BCORL1: variants seen among roughly 807,000 people sequenced by gnomAD.
BCORL1 encodes the protein BCL-6 corepressor-like protein 1.
BCORL1 carries 7 observed loss-of-function variants against 87.6 expected under a neutral mutation model. That is an observed-to-expected ratio of 0.08 (90% CI 0.05 to 0.15). The LOEUF (loss-of-function observed/expected upper bound fraction) is 0.15. Ranked by LOEUF, BCORL1 falls within the 10% of genes least tolerant of loss-of-function variation. The pLI, the probability that BCORL1 is intolerant of heterozygous loss-of-function variation, is 1.00. For missense variants in BCORL1, 1,215 were observed against 1,499.7 expected (o/e 0.81, Z 3.13); for synonymous variants, 591 against 634.4 (o/e 0.93, Z 1.03).
chrX:130,035,051 G>A lies in BCORL1; in HGVS notation c.4527+375G>A, dbSNP rs111801908. 8.0e-3 allele frequency among the ~76,000 whole-genome samples: 887 copies of A among 111,010 alleles called. 4 individuals are homozygous for A. The highest frequency in any genetic ancestry group is 0.023 in the Middle Eastern group (5 of 216). On this transcript the variant is annotated intron_variant, in intron 9 of 13. Transcript: ENST00000540052. ...CAGCTTCCCCTCATTTTCGCCTCTC[G>A]CAGAGGGGCCAGGATCATGTTTGAG... is the stretch of plus-strand genomic sequence containing the variant.
In BCORL1 at chrX:130,005,323, G is replaced by A; in HGVS notation, c.86+6G>A. On this transcript the variant is annotated splice_donor_region_variant and intron_variant, in intron 2 of 13. Transcript: ENST00000540052. ...TGTGGCATCAACGAGGAGAGGTGAGGAGGCCAGGAAGGTGGCCGCTGCTGG... is the reference window on the plus strand; with the variant it reads ...TGTGGCATCAACGAGGAGAGGTGAGAAGGCCAGGAAGGTGGCCGCTGCTGG... 1 of 1,209,598 alleles carries A rather than the reference G, an allele frequency of 8.3e-7. No individual in the cohort carries two copies. The highest frequency in any genetic ancestry group is 1.8e-5 in the South Asian group (1 of 56,928).
rs72614134 is a variant in BCORL1, at chrX:130,048,487, G to A, written c.4841-2230G>A. On this transcript the variant is annotated intron_variant, in intron 11 of 13. Coordinates refer to ENST00000540052, the MANE Select transcript of BCORL1 (RefSeq NM_001379451.1). ...CTTAGATGGTACAGTTGGATTTGTC[G>A]TGAAAGCCAATGGACCTACTTTTTG... Among the ~76,000 whole-genome samples, 120 of 111,872 alleles carry A rather than the reference G, an allele frequency of 1.1e-3. 1 individual carries two copies. In the East Asian group the frequency reaches 0.028, roughly 26 times the overall value.
At chrX:130,024,344 C>T (rs773179869) in intron 6 of BCORL1, among the ~76,000 whole-genome samples, 4 of 110,895 alleles carry the variant, frequency 3.6e-5, no homozygotes, top group East Asian at 5.7e-4. Flanking sequence ...GAGGTGGGGT[C>T]AATTTAAGGG....
At chrX:130,030,146 G>A (rs1437589550) in intron 8 of BCORL1, among the ~76,000 whole-genome samples, 1 of 112,200 alleles carries the variant, frequency 8.9e-6, no homozygotes. Context: ...TCACAAGGGT[G>A]CTTGGGGGAA....
At chrX:129,990,144 T>C (rs1350259861) in intron 1 of BCORL1, among the ~76,000 whole-genome samples, 1 of 111,850 alleles carries the variant, frequency 8.9e-6, no homozygotes, top group African/African-American at 3.2e-5. Context: ...ATAATACCAA[T>C]TTCACAGGGC....
At chrX:130,009,638 A>G (rs1260353313) in intron 2 of BCORL1, among the ~76,000 whole-genome samples, 1 of 110,018 alleles carries the variant, frequency 9.1e-6, no homozygotes, top group Non-Finnish European at 1.9e-5. Context: ...GCCCAGCAGG[A>G]ACTGAAGAGG....
chrX:129,988,602 T>C (rs1926814226), intron 1 of BCORL1, among the ~76,000 whole-genome samples: 1 of 111,994 alleles, frequency 8.9e-6, no homozygotes, highest in Non-Finnish European at 1.9e-5. Flanking sequence ...CTCATCACAG[T>C]ATGTGAGGCA....
intron 1 of BCORL1, among the ~76,000 whole-genome samples, chrX:129,998,647 C>T (rs930295409): frequency 1.8e-5 from 2 of 111,839 alleles, no homozygotes; most frequent in African/African-American, 6.5e-5. Flanking sequence ...TGACATTGAC[C>T]GTCCTGACTC....
intron 6 of BCORL1, among the ~76,000 whole-genome samples, chrX:130,024,633 G>C (rs1930103597): frequency 9.0e-6 from 1 of 111,451 alleles, no homozygotes; most frequent in Non-Finnish European, 1.9e-5. Flanking sequence ...CTTTATAAGA[G>C]CTAAGCAAGA....
chrX:129,986,159 C>G (rs1247918773), intron 1 of BCORL1, among the ~76,000 whole-genome samples: 1 of 112,166 alleles, frequency 8.9e-6, no homozygotes, highest in Non-Finnish European at 1.9e-5. Context: ...GGTTTCACCT[C>G]TCCCTTGTCT....
chrX:130,029,253 G>A (rs1251572454), intron 8 of BCORL1, among the ~76,000 whole-genome samples: 1 of 111,414 alleles, frequency 9.0e-6, no homozygotes, highest in African/African-American at 3.3e-5. Flanking sequence ...GGATTTTAAG[G>A]TCCAGACAAA....
chrX:130,024,879 G>C, intron 6 of BCORL1, 111 bp from the exon 7 acceptor site: 5 of 1,047,950 alleles, frequency 4.8e-6, no homozygotes, highest in Non-Finnish European at 6.4e-6. Flanking sequence ...AACTGGCAGA[G>C]CCTGAACTTG....
chrX:130,031,106 T>G (rs894915854), intron 8 of BCORL1, among the ~76,000 whole-genome samples: 2 of 113,048 alleles, frequency 1.8e-5, no homozygotes, highest in Non-Finnish European at 3.8e-5. Flanking sequence ...CCAGGCAACT[T>G]GCCTCGCTGC....
chrX:130,027,057 C>T (rs1930288289), intron 7 of BCORL1, among the ~76,000 whole-genome samples: 1 of 113,351 alleles, frequency 8.8e-6, no homozygotes, highest in South Asian at 3.5e-4. Flanking sequence ...CCTGCCACCT[C>T]CGCTCTCTAG....
In BCORL1 at chrX:130,039,236, A is replaced by C; in HGVS notation, c.4794A>C (p.Thr1598=). ...DPTLATYSGQ[T]AMKLASSDTM... ...CACTGGCTACCTACTCGGGTCAGACAGCCATGAAGCTGGCCAGCAGCGACA... is the reference window on the plus strand; with the variant it reads ...CACTGGCTACCTACTCGGGTCAGACCGCCATGAAGCTGGCCAGCAGCGACA... Residue 1598 remains threonine, a synonymous_variant, in exon 11 of 14, where the codon ACA becomes ACC. Coordinates refer to ENST00000540052, the MANE Select transcript of BCORL1 (RefSeq NM_001379451.1). The C allele has an allele frequency of 8.3e-7, 1 of 1,211,140 alleles. No homozygotes were observed. Among genetic ancestry groups the C allele is most frequent in the Non-Finnish European group, 1.1e-6 (1 of 895,435 alleles).
chrX:129,980,691 G>T (rs1359085055), upstream of BCORL1, among the ~76,000 whole-genome samples: 1 of 110,445 alleles, frequency 9.1e-6, no homozygotes, highest in African/African-American at 3.3e-5. Context: ...CTCCGGTGGC[G>T]TGGGCGCGGG....
chrX:130,042,372 A>G (rs187252463), intron 11 of BCORL1, among the ~76,000 whole-genome samples: 1 of 112,104 alleles, frequency 8.9e-6, no homozygotes, highest in Admixed American at 9.5e-5. Flanking sequence ...TGGAATTACA[A>G]GTGTGAGCCA....
intron 2 of BCORL1, among the ~76,000 whole-genome samples, 187 bp downstream of exon 2, chrX:130,005,504 T>C (rs954599819): frequency 2.7e-5 from 3 of 111,986 alleles, no homozygotes; most frequent in African/African-American, 9.7e-5. Context: ...CCATGCTATC[T>C]CTTTTCAGAT....
At chrX:129,994,247 G>A (rs942249131) in intron 1 of BCORL1, among the ~76,000 whole-genome samples, 1 of 112,481 alleles carries the variant, frequency 8.9e-6, no homozygotes, top group Admixed American at 9.5e-5. Flanking sequence ...TTTTCCCACC[G>A]CAGTGTAGGC....
Sources: allele counts gnomAD v4.1 joint callset (sites outside exome capture counted in the v4.1 genomes callset), GRCh38; gene constraint gnomAD v4.1.1; transcripts MANE v1.5; gene names NCBI Gene and HGNC (gene_info 2026-07-23, HGNC 2026-07-21).